CFAP54: variants seen among roughly 807,000 people sequenced by gnomAD.
CFAP54 encodes cilia- and flagella-associated protein 54.
In CFAP54, 290 loss-of-function variants were observed where a neutral mutation model predicts 370.4. That is an observed-to-expected ratio of 0.78 (90% confidence interval 0.71 to 0.86). CFAP54 has a LOEUF of 0.86. Among genes scored for constraint, CFAP54 ranks in the 40% least tolerant of loss-of-function variants. CFAP54 has a pLI of 0.00. For synonymous variants in CFAP54, 1,206 were observed against 1,236.5 expected (o/e 0.98, Z 0.52); for missense variants, 3,399 against 3,528.7 (o/e 0.96, Z 0.93).
At chr12:96,649,609 A>G (rs1956835830) in intron 34 of CFAP54, among the ~76,000 whole-genome samples, 1 of 152,218 alleles carries the variant, frequency 6.6e-6, no homozygotes, top group Non-Finnish European at 1.5e-5. Flanking sequence ...AAAAACATGT[A>G]CATTCCTACT....
At chr12:96,738,139 TGAG>T (rs1958003184) in intron 50 of CFAP54, among the ~76,000 whole-genome samples, 1 of 152,024 alleles carries the variant, frequency 6.6e-6, no homozygotes, top group Non-Finnish European at 1.5e-5. Flanking sequence ...GTGGAGGAGA[TGAG>T]GAGCCCTATT....
At chr12:96,536,987 A>AATTCAATACAATT (rs369063940) in intron 12 of CFAP54, among the ~76,000 whole-genome samples, 1 of 147,412 alleles carries the variant, frequency 6.8e-6, no homozygotes, top group African/African-American at 2.6e-5. Context: ...TCAATTCAAT[A>AATTCAATACAATT]CAATTCAATT....
intron 5 of CFAP54, among the ~76,000 whole-genome samples, chr12:96,513,367 C>T (rs954618422): frequency 2.0e-5 from 3 of 152,136 alleles, no homozygotes; most frequent in Admixed American, 6.5e-5. Context: ...GGTGACCATC[C>T]GTCCTGGCTT....
intron 26 of CFAP54, among the ~76,000 whole-genome samples, chr12:96,621,163 C>G (rs1956482931): frequency 6.6e-6 from 1 of 152,192 alleles, no homozygotes; most frequent in African/African-American, 2.4e-5. Context: ...ATAAATGCTC[C>G]TTAAGACATC....
At chr12:96,504,355 C>G (rs1304539820) in intron 3 of CFAP54, among the ~76,000 whole-genome samples, 2 of 150,594 alleles carry the variant, frequency 1.3e-5, no homozygotes, top group African/African-American at 4.9e-5. Flanking sequence ...ACTATTATCC[C>G]TATTTTACAG....
intron 47 of CFAP54, among the ~76,000 whole-genome samples, chr12:96,706,736 A>C (rs1042927098): frequency 4.6e-5 from 7 of 152,102 alleles, no homozygotes; most frequent in African/African-American, 1.7e-4. Flanking sequence ...CAAATACATC[A>C]GTCAACCATA....
chr12:96,525,162 T>A (rs1434151450), intron 8 of CFAP54, among the ~76,000 whole-genome samples: 3 of 63,096 alleles, frequency 4.8e-5, no homozygotes, highest in African/African-American at 1.2e-4. Flanking sequence ...TTTGTTTAAA[T>A]TTTTTTTTTG....
At chr12:96,573,068 T>G (rs1033420176) in intron 19 of CFAP54, 1 of 983,516 alleles carries the variant, frequency 1.0e-6, no homozygotes, top group African/African-American at 1.7e-5. Context: ...GCAGTCTGCT[T>G]GACTATAAGG....
In CFAP54 at chr12:96,651,701, A is replaced by G. The variant is rs1956859590; in HGVS notation, c.4986A>G (p.Lys1662=). ...ILLKQAVDLD[K]TFPISQDGFL... ...TTAAACAGGCAGTGGATCTTGATAA[A>G]ACATTTCCTATTAGCCAAGATGGTT... Residue 1662 remains lysine, a synonymous_variant, in exon 36 of 68, where the codon AAA becomes AAG. Coordinates refer to ENST00000524981, the MANE Select transcript of CFAP54 (RefSeq NM_001306084.2). 6.2e-7 allele frequency: 1 copy of G among 1,613,898 alleles called. No homozygotes were observed. The highest frequency in any genetic ancestry group is 8.5e-7 in the Non-Finnish European group (1 of 1,179,892).
chr12:96,825,899 C>T (rs1409038677), intron 65 of CFAP54, among the ~76,000 whole-genome samples: 1 of 133,160 alleles, frequency 7.5e-6, no homozygotes, highest in Non-Finnish European at 1.6e-5. Context: ...TCATATATAA[C>T]TATATAACAG....
At position 96,679,652 on chromosome 12, in the gene CFAP54, C is replaced by T. The variant is rs1406121859; in HGVS notation, c.5616C>T (p.Thr1872=). Residue 1872 remains threonine (T), a synonymous_variant, in exon 40 of 68, where the codon ACC becomes ACT. Coordinates refer to ENST00000524981, the MANE Select transcript of CFAP54 (RefSeq NM_001306084.2). The part of the protein sequence containing the change: ...LVCVPVDVTD[T]LRCFRETLEK... ...GCGTGCCCGTGGACGTGACAGACAC[C>T]TTGAGGTGTTTTAGAGAGACACTGG... 1.2e-6 allele frequency: 2 copies of T among 1,613,812 alleles called. No individual in the cohort carries two copies. The highest frequency in any genetic ancestry group is 1.7e-5 in the Admixed American group (1 of 59,974).
chr12:96,719,276 A>C (rs972225075), intron 49 of CFAP54, among the ~76,000 whole-genome samples: 1 of 152,238 alleles, frequency 6.6e-6, no homozygotes, highest in African/African-American at 2.4e-5. Context: ...AACTAATAAA[A>C]TATAGATCCA....
chr12:96,862,848 T>C (rs1959910877), intron 67 of CFAP54, among the ~76,000 whole-genome samples: 1 of 151,692 alleles, frequency 6.6e-6, no homozygotes, highest in African/African-American at 2.4e-5. Flanking sequence ...CTTTGAAGGG[T>C]TTGCATTTCT....
chr12:96,660,877 G>A (rs114570601), intron 38 of CFAP54, among the ~76,000 whole-genome samples: 2,944 of 152,210 alleles, frequency 0.019, 115 homozygotes, highest in African/African-American at 0.068. Context: ...CGATTAATTT[G>A]CTAGAGTGGC....
At chr12:96,590,241 G>C (rs1792372032) in intron 23 of CFAP54, among the ~76,000 whole-genome samples, 1 of 152,222 alleles carries the variant, frequency 6.6e-6, no homozygotes, top group African/African-American at 2.4e-5. Flanking sequence ...GTTAGGGTAA[G>C]AAGGCTTTTC....
chr12:96,491,232 G>C (rs1954881049), intron 1 of CFAP54, among the ~76,000 whole-genome samples: 1 of 152,118 alleles, frequency 6.6e-6, no homozygotes, highest in African/African-American at 2.4e-5. Context: ...GGGAGCAATT[G>C]ATGAGGATTT....
chr12:96,496,299 A>C lies in CFAP54; in HGVS notation c.318-4535A>C, dbSNP rs544060725. Among the ~76,000 whole-genome samples, 43 of 152,338 alleles carry C rather than the reference A, an allele frequency of 2.8e-4. No homozygotes were observed. The South Asian group carries it at 7.7e-3, about 27-fold the overall frequency. ...CCAACACATACATCATAAGTATTAG[A>C]GCCATCTTCAGTTCTTAAGTTTATG... On this transcript the variant is annotated intron_variant, in intron 1 of 67. Transcript: ENST00000524981.
At position 96,753,792 on chromosome 12, in the gene CFAP54, C is replaced by T. The variant is rs139695098; in HGVS notation, c.7734C>T (p.Pro2578=). ...ATTACAAGAATAAAAGGAAGGACCC[C>T]TCGAAGTGGTTACCTGCTCTTCATC... ...QVYYKNKRKD[P]SKWLPALHLF... The change falls in exon 56 of 68, where the codon CCC becomes CCT. Residue 2578 remains proline, a synonymous_variant. Transcript: ENST00000524981. 12 of 1,613,968 alleles carry T rather than the reference C, an allele frequency of 7.4e-6. No individual in the cohort carries two copies. The African/African-American group carries it at 1.3e-4, about 18-fold the overall frequency.
chr12:96,518,372 A>C (rs1263648735), intron 5 of CFAP54, among the ~76,000 whole-genome samples: 1 of 152,182 alleles, frequency 6.6e-6, no homozygotes, highest in East Asian at 1.9e-4. Flanking sequence ...TGTTAATAAA[A>C]ATGAGCAGAG....
Sources: gnomAD v4.1 joint callset for allele counts (sites outside exome capture counted in the v4.1 genomes callset) on GRCh38, gnomAD v4.1.1 for gene constraint, MANE v1.5 for transcripts, NCBI Gene and HGNC (gene_info 2026-07-23, HGNC 2026-07-21) for gene names.